The following PLEKHG1 variants were observed in gnomAD, a reference collection of about 807,000 sequenced individuals.
PLEKHG1 encodes pleckstrin homology domain-containing family G member 1.
PLEKHG1 carries 44 observed loss-of-function variants against 100.8 expected under a neutral mutation model. That is an observed-to-expected ratio of 0.44 (90% CI 0.34 to 0.56). PLEKHG1 has a LOEUF of 0.56. Among genes scored for constraint, PLEKHG1 ranks in the 20% least tolerant of loss-of-function variants. PLEKHG1 has a pLI of 0.01. For missense variants in PLEKHG1, 1,545 were observed against 1,720.9 expected, an observed-to-expected ratio of 0.90 and a Z score of 1.81; for synonymous variants, 640 against 662.5, an observed-to-expected ratio of 0.97 and a Z score of 0.52.
At chr6:150,800,406 G>A (rs1786623818) in intron 5 of PLEKHG1, among the ~76,000 whole-genome samples, 1 of 152,186 alleles carries the variant, frequency 6.6e-6, no homozygotes, top group Non-Finnish European at 1.5e-5. Context: ...CGCAGCTAGG[G>A]GCTAAAATCC....
intron 3 of PLEKHG1, among the ~76,000 whole-genome samples, chr6:150,668,415 G>A (rs763637017): frequency 6.6e-6 from 1 of 152,148 alleles, no homozygotes; most frequent in African/African-American, 2.4e-5. Context: ...TAAGTTTCTG[G>A]AATTTTTGTA....
At chr6:150,762,994 C>T (rs1784246956) in intron 2 of PLEKHG1, among the ~76,000 whole-genome samples, 1 of 146,140 alleles carries the variant, frequency 6.8e-6, no homozygotes. Context: ...CCTCATTCTC[C>T]TTTGAGCACC....
intron 10 of PLEKHG1, among the ~76,000 whole-genome samples, chr6:150,813,070 C>T (rs777274658): frequency 3.3e-5 from 5 of 151,938 alleles, no homozygotes; most frequent in East Asian, 1.9e-4. Context: ...CTTTGGGAGG[C>T]GGAGGCGGGC....
intron 14 of PLEKHG1, chr6:150,828,201 G>A (rs1316084994): frequency 6.2e-7 from 1 of 1,613,832 alleles, no homozygotes. Flanking sequence ...TCAGTTTATT[G>A]GTCCTCTGAG....
chr6:150,682,553 C>T (rs1779971203), intron 3 of PLEKHG1, among the ~76,000 whole-genome samples: 2 of 152,038 alleles, frequency 1.3e-5, no homozygotes, highest in Non-Finnish European at 1.5e-5. Context: ...CAGAGGGAGA[C>T]TAAACTCTCA....
chr6:150,758,890 G>T (rs1451402154), intron 2 of PLEKHG1, among the ~76,000 whole-genome samples: 1 of 152,138 alleles, frequency 6.6e-6, no homozygotes, highest in African/African-American at 2.4e-5. Context: ...ATTTCAGAAT[G>T]ATTCCTAATT....
At chr6:150,766,269 CA>C (rs1403045596) in intron 2 of PLEKHG1, among the ~76,000 whole-genome samples, 1 of 152,180 alleles carries the variant, frequency 6.6e-6, no homozygotes, top group Non-Finnish European at 1.5e-5. Context: ...TTGTTAACAG[CA>C]GGGTAACCAT....
At chr6:150,795,012 T>C (rs537927600) in intron 4 of PLEKHG1, among the ~76,000 whole-genome samples, 2 of 151,976 alleles carry the variant, frequency 1.3e-5, no homozygotes, top group South Asian at 4.2e-4. Flanking sequence ...CCACATTAAG[T>C]GGTCTAAAAA....
intron 2 of PLEKHG1, among the ~76,000 whole-genome samples, chr6:150,745,788 G>A (rs2128625349): frequency 6.6e-6 from 1 of 152,126 alleles, no homozygotes; most frequent in African/African-American, 2.4e-5. Flanking sequence ...AAAAATGGAG[G>A]CATAGTTTTA....
At chr6:150,806,038 G>A (rs1787069447) in intron 7 of PLEKHG1, among the ~76,000 whole-genome samples, 4 of 152,080 alleles carry the variant, frequency 2.6e-5, no homozygotes. Flanking sequence ...AGAGTGAGAT[G>A]GAAAAGCCCA....
chr6:150,640,407 C>T (rs908291343), intron 2 of PLEKHG1, among the ~76,000 whole-genome samples: 3 of 152,210 alleles, frequency 2.0e-5, no homozygotes, highest in Non-Finnish European at 2.9e-5. Context: ...CCATCATGTT[C>T]CTGCCTTTGT....
upstream of PLEKHG1, among the ~76,000 whole-genome samples, chr6:150,720,256 T>G (rs1050602621): frequency 5.9e-5 from 9 of 152,224 alleles, no homozygotes; most frequent in Non-Finnish European, 1.2e-4. Flanking sequence ...ATACGCCTTC[T>G]GAATCTTTCT....
chr6:150,732,655 T>C (rs1011990492), intron 1 of PLEKHG1, among the ~76,000 whole-genome samples: 14 of 152,262 alleles, frequency 9.2e-5, no homozygotes, highest in Non-Finnish European at 1.8e-4. Flanking sequence ...TCTTGCTCTG[T>C]CGCCCAGGCT....
At chr6:150,693,143 C>G (rs1442820311) in intron 3 of PLEKHG1, among the ~76,000 whole-genome samples, 1 of 152,090 alleles carries the variant, frequency 6.6e-6, no homozygotes, top group African/African-American at 2.4e-5. Context: ...CAAAAATTAG[C>G]CGGGTGTGGT....
intron 2 of PLEKHG1, among the ~76,000 whole-genome samples, chr6:150,754,720 G>A (rs1783727859): frequency 6.6e-6 from 1 of 150,900 alleles, no homozygotes. Context: ...CCAGGCTGGA[G>A]GGCAATGGCA....
intron 1 of PLEKHG1, among the ~76,000 whole-genome samples, chr6:150,632,722 T>C (rs1417569810): frequency 2.0e-5 from 3 of 152,256 alleles, no homozygotes; most frequent in Non-Finnish European, 4.4e-5. Flanking sequence ...AGGATACTGA[T>C]AGTTAAAAGA....
intron 3 of PLEKHG1, among the ~76,000 whole-genome samples, chr6:150,779,973 G>A (rs1445716039): frequency 3.3e-5 from 5 of 150,704 alleles, no homozygotes; most frequent in Non-Finnish European, 7.4e-5. Context: ...AAAAAAAAAA[G>A]AAAGAAATAA....
At chr6:150,819,255 G>A (rs1323135988) in intron 11 of PLEKHG1, among the ~76,000 whole-genome samples, 1 of 151,642 alleles carries the variant, frequency 6.6e-6, no homozygotes, top group Non-Finnish European at 1.5e-5. Context: ...TCATATCCAT[G>A]TCAGATGAAA....
intron 3 of PLEKHG1, among the ~76,000 whole-genome samples, chr6:150,659,811 C>T (rs146754124): frequency 4.6e-5 from 7 of 152,298 alleles, no homozygotes; most frequent in Non-Finnish European, 7.3e-5. Flanking sequence ...GCTTCAAATA[C>T]GTACTTGGTT....
Sources: gnomAD v4.1 joint callset for allele counts (sites outside exome capture counted in the v4.1 genomes callset) on GRCh38, gnomAD v4.1.1 for gene constraint, MANE v1.5 for transcripts, NCBI Gene and HGNC (gene_info 2026-07-23, HGNC 2026-07-21) for gene names.